The following MLLT10 variants were observed in gnomAD, a reference collection of about 807,000 sequenced individuals.
MLLT10 encodes protein AF-10.
In MLLT10, 30 loss-of-function variants were observed where a neutral mutation model predicts 129.1. That is an observed-to-expected ratio of 0.23 (90% CI 0.17 to 0.32). MLLT10 has a LOEUF of 0.32. Among genes scored for constraint, MLLT10 ranks in the 10% least tolerant of loss-of-function variants. The pLI is 1.00. For missense variants in MLLT10, 1,119 were observed against 1,268.3 expected (o/e 0.88, Z 1.79); for synonymous variants, 490 against 446.4 (o/e 1.10, Z -1.23).
rs564963737 is a variant in MLLT10 at position 21,606,299 on chromosome 10, A to G, written c.406-6049A>G. On this transcript the variant is annotated intron_variant, in intron 5 of 22. Transcript: ENST00000307729. ...CTAAGAGCTCTGTTGAAGATGTACA[A>G]GAAAATGTTCTTTTCATACCTGCTA... Among the ~76,000 whole-genome samples, 165 of 152,334 alleles carry G rather than the reference A, an allele frequency of 1.1e-3. 2 individuals carry two copies. Among genetic ancestry groups the G allele is most frequent in the African/African-American group, 3.8e-3 (160 of 41,580 alleles).
chr10:21,686,202 C>A (rs1300950157), intron 13 of MLLT10, among the ~76,000 whole-genome samples: 2 of 152,052 alleles, frequency 1.3e-5, no homozygotes, highest in Admixed American at 6.5e-5. Flanking sequence ...ACCACAAAAC[C>A]AAACATGAAA....
rs200570108 is a variant in MLLT10, at chr10:21,612,398, T to G, written c.456T>G (p.Gly152=). 1.8e-4 allele frequency: 293 copies of G among 1,613,244 alleles called. 3 individuals are homozygous for G. The Middle Eastern group carries it at 2.1e-3, about 12-fold the overall frequency. ...GAAGAGAAAGCAAAGCAGCCACTGG[T>G]GCTTGCATGACATGTAATAAACATG... is the stretch of plus-strand genomic sequence containing the variant. ...EQGRESKAAT[G]ACMTCNKHGC... The change falls in exon 6 of 23, where the codon GGT becomes GGG. Residue 152 remains glycine, a synonymous_variant. Coordinates refer to ENST00000307729, the MANE Select transcript of MLLT10 (RefSeq NM_001195626.3).
chr10:21,565,577 G>C lies in MLLT10; in HGVS notation c.241-20717G>C, dbSNP rs376569042. Among the ~76,000 whole-genome samples the C allele has an allele frequency of 1.2e-4, 18 of 150,354 alleles. No homozygotes were observed. The East Asian group carries it at 1.6e-3, about 13-fold the overall frequency. On this transcript the variant is annotated intron_variant, in intron 3 of 22. Transcript: ENST00000307729. The stretch of plus-strand genomic sequence containing the variant: ...CTTCCTCGGCCTCCCAAAGTGCTGG[G>C]ATTACAGGTGTGAGCCACTGTGCCT...
At chr10:21,598,221 G>C (rs948681159) in intron 5 of MLLT10, among the ~76,000 whole-genome samples, 1 of 152,042 alleles carries the variant, frequency 6.6e-6, no homozygotes, top group Non-Finnish European at 1.5e-5. Flanking sequence ...TATTTTAATG[G>C]GTCATATTCC....
At chr10:21,730,867 C>G in intron 16 of MLLT10, 33 bp from the exon 17 acceptor site, 2 of 1,613,230 alleles carry the variant, frequency 1.2e-6, no homozygotes, top group Non-Finnish European at 1.7e-6. Context: ...AAAGCATTCC[C>G]CTTCTTTTTA....
intron 8 of MLLT10, among the ~76,000 whole-genome samples, chr10:21,642,826 A>T (rs994982486): frequency 6.6e-6 from 1 of 152,176 alleles, no homozygotes; most frequent in Admixed American, 6.5e-5. Flanking sequence ...TTTTATGAGG[A>T]CATGAGAAGG....
intron 5 of MLLT10, among the ~76,000 whole-genome samples, chr10:21,607,258 A>AT (rs1310277088): frequency 1.3e-5 from 2 of 151,380 alleles, no homozygotes; most frequent in Non-Finnish European, 2.9e-5. Context: ...TATAATAAAC[A>AT]TTATAAATGT....
intron 3 of MLLT10, among the ~76,000 whole-genome samples, chr10:21,548,527 G>A (rs1477560285): frequency 2.0e-5 from 3 of 151,826 alleles, no homozygotes; most frequent in African/African-American, 4.8e-5. Context: ...CCGCCGCTAC[G>A]CCCGGCTAAT....
chr10:21,566,759 T>C (rs2039624443), intron 3 of MLLT10, among the ~76,000 whole-genome samples: 2 of 152,162 alleles, frequency 1.3e-5, no homozygotes, highest in Non-Finnish European at 2.9e-5. Context: ...TATTGTGTTT[T>C]GTATCTTTTT....
chr10:21,691,079 T>C (rs1197860056), intron 13 of MLLT10, among the ~76,000 whole-genome samples: 1 of 152,210 alleles, frequency 6.6e-6, no homozygotes, highest in African/African-American at 2.4e-5. Context: ...AAATTATAAT[T>C]GGAAAGTGCT....
chr10:21,617,477 A>C (rs2131213313), intron 8 of MLLT10, among the ~76,000 whole-genome samples: 1 of 152,282 alleles, frequency 6.6e-6, no homozygotes, highest in East Asian at 1.9e-4. Flanking sequence ...CATCTTGCGA[A>C]ATCTTTAGGT....
intron 3 of MLLT10, among the ~76,000 whole-genome samples, chr10:21,554,305 C>A (rs1465569609): frequency 6.6e-6 from 1 of 152,172 alleles, no homozygotes. Flanking sequence ...TCCTCACTTT[C>A]TCTTCCAACT....
intron 8 of MLLT10, among the ~76,000 whole-genome samples, chr10:21,645,057 C>T (rs2048352260): frequency 6.6e-6 from 1 of 152,140 alleles, no homozygotes; most frequent in Non-Finnish European, 1.5e-5. Context: ...ACTCTTTAGG[C>T]AGAAAAAGTA....
intron 14 of MLLT10, among the ~76,000 whole-genome samples, chr10:21,722,615 G>T (rs1023109648): frequency 1.3e-5 from 2 of 152,044 alleles, no homozygotes; most frequent in Non-Finnish European, 2.9e-5. Context: ...AAAGGTTTTT[G>T]AGTCTATGAA....
chr10:21,626,216 G>A, intron 8 of MLLT10: 1 of 1,595,634 alleles, frequency 6.3e-7, no homozygotes, highest in Non-Finnish European at 8.6e-7. Context: ...TACAGACAGA[G>A]CTCCTTCTTT....
chr10:21,544,552 A>C (rs1463404069), intron 3 of MLLT10, among the ~76,000 whole-genome samples: 1 of 152,200 alleles, frequency 6.6e-6, no homozygotes, highest in African/African-American at 2.4e-5. Flanking sequence ...AAATTTAGGT[A>C]CTATATAGAA....
chr10:21,640,808 C>T (rs758244094), intron 8 of MLLT10, among the ~76,000 whole-genome samples: 1 of 152,142 alleles, frequency 6.6e-6, no homozygotes, highest in Non-Finnish European at 1.5e-5. Context: ...ATGAATAATT[C>T]TCAAATTATG....
At chr10:21,559,075 G>T (rs2038452072) in intron 3 of MLLT10, among the ~76,000 whole-genome samples, 1 of 152,042 alleles carries the variant, frequency 6.6e-6, no homozygotes, top group South Asian at 2.1e-4. Context: ...TATCAGTTTG[G>T]GGAGAATGGA....
At chr10:21,552,793 C>T (rs190977786) in intron 3 of MLLT10, among the ~76,000 whole-genome samples, 1 of 151,638 alleles carries the variant, frequency 6.6e-6, no homozygotes, top group Non-Finnish European at 1.5e-5. Context: ...TGTTTATTTT[C>T]TTCTTCCTCT....
Sources: gnomAD v4.1 joint callset for allele counts (sites outside exome capture counted in the v4.1 genomes callset) on GRCh38, gnomAD v4.1.1 for gene constraint, MANE v1.5 for transcripts, NCBI Gene and HGNC (gene_info 2026-07-23, HGNC 2026-07-21) for gene names.